Variants in BDH2 observed in about 807,000 individuals in gnomAD.
The protein encoded by BDH2 is 3-hydroxybutyrate dehydrogenase 2, also known as dehydrogenase/reductase SDR family member 6.
A neutral mutation model predicts 33.2 loss-of-function variants in BDH2; 24 were observed. That is an observed-to-expected ratio of 0.72 (90% CI 0.52 to 1.02). BDH2 has a LOEUF of 1.02. BDH2 is among the 50% of genes least tolerant of loss of function. BDH2 has a pLI of 0.00. For missense variants in BDH2, 249 were observed against 301.6 expected (o/e 0.83, Z 1.29); for synonymous variants, 81 against 101.6 (o/e 0.80, Z 1.22).
At chr4:103,087,073 G>A (rs945643332) in intron 5 of BDH2, among the ~76,000 whole-genome samples, 1 of 152,152 alleles carries the variant, frequency 6.6e-6, no homozygotes, top group African/African-American at 2.4e-5. Flanking sequence ...CAGGCTGGGC[G>A]ACACTCAGAG....
At position 103,095,229 on chromosome 4, in the gene BDH2, T is replaced by C. The variant is rs1578510539; in HGVS notation, c.125A>G (p.Lys42Arg). ...CGGGTACTTTTCCAGTTCCTGAAGTTTGGACTCATTAATGTCTGTGGCTAT... is the reference window on the plus strand; with the variant it reads ...CGGGTACTTTTCCAGTTCCTGAAGTCTGGACTCATTAATGTCTGTGGCTAT... ...KVIATDINES[K>R]LQELEKYPGI... The change falls in exon 3 of 10, where the codon AAA (lysine) becomes AGA (arginine). Residue 42 changes from lysine (K) to arginine (R), a missense_variant. Physicochemically the swap from Lys to Arg is conservative, Grantham distance 26 (BLOSUM62 2). Coordinates refer to ENST00000296424, the MANE Select transcript of BDH2 (RefSeq NM_020139.4). 2 of 1,613,870 alleles carry C rather than the reference T, an allele frequency of 1.2e-6. No homozygotes were observed. Among genetic ancestry groups the C allele is most frequent in the Non-Finnish European group, 1.7e-6 (2 of 1,179,828 alleles).
intron 1 of BDH2, chr4:103,097,820 T>C (rs1327111216): frequency 6.6e-6 from 1 of 152,204 alleles, no homozygotes; most frequent in Non-Finnish European, 1.5e-5. Context: ...TTACAGTACA[T>C]GCAAACTAGC....
chr4:103,096,132 A>C, intron 2 of BDH2, 51 bp downstream of exon 2: 1 of 1,347,770 alleles, frequency 7.4e-7, no homozygotes, highest in Non-Finnish European at 1.1e-6. Flanking sequence ...ACATAATTCA[A>C]TATGTCAAGA....
intron 6 of BDH2, chr4:103,086,183 T>C (rs1354650897): frequency 2.0e-5 from 23 of 1,169,750 alleles, no homozygotes; most frequent in Middle Eastern, 3.6e-4. Flanking sequence ...TACACTATTT[T>C]AAATTAATTA....
chr4:103,082,981 A>G (rs116837807), intron 7 of BDH2, 52 bp from the exon 8 acceptor site: 10 of 1,460,770 alleles, frequency 6.8e-6, no homozygotes, highest in African/African-American at 1.4e-5. Context: ...CTGAAAAAGA[A>G]ATCGATAACT....
At chr4:103,082,809 T>G in intron 8 of BDH2, 62 bp downstream of exon 8, 2 of 1,383,448 alleles carry the variant, frequency 1.4e-6, no homozygotes, top group Admixed American at 3.4e-5. Context: ...TTGTCTGCTA[T>G]AGGTATGGAA....
intron 5 of BDH2, among the ~76,000 whole-genome samples, chr4:103,087,600 A>C (rs1747858236): frequency 6.6e-6 from 1 of 152,212 alleles, no homozygotes; most frequent in Non-Finnish European, 1.5e-5. Context: ...GAATTTATTA[A>C]GATGAGGGTC....
chr4:103,079,225 C>T lies in BDH2; in HGVS notation c.*477G>A, dbSNP rs180990079. ...GTGTCCTTATAAAAAGACACATGAGCGCTCGCTTTTTTTCTCTGCTCTTGC... is the reference window on the plus strand; with the variant it reads ...GTGTCCTTATAAAAAGACACATGAGTGCTCGCTTTTTTTCTCTGCTCTTGC... On this transcript the variant is annotated 3_prime_UTR_variant, in exon 10 of 10. Coordinates refer to ENST00000296424, the MANE Select transcript of BDH2 (RefSeq NM_020139.4). 4.6e-5 allele frequency among the ~76,000 whole-genome samples: 7 copies of T among 152,126 alleles called. No individual in the cohort carries two copies. Among genetic ancestry groups the T allele is most frequent in the East Asian group, 3.9e-4 (2 of 5,172 alleles).
At chr4:103,085,976 T>C (rs1747758035) in intron 6 of BDH2, 1 of 1,164,034 alleles carries the variant, frequency 8.6e-7, no homozygotes, top group Admixed American at 4.3e-5. Flanking sequence ...TCAACTTGAC[T>C]TCTTGCTGAT....
chr4:103,082,803 C>G, intron 8 of BDH2, 68 bp downstream of exon 8: 2 of 1,348,360 alleles, frequency 1.5e-6, no homozygotes, highest in Admixed American at 1.7e-5. Context: ...ATGAATTTGT[C>G]TGCTATAGGT....
At chr4:103,084,884 G>A (rs1282295938) in intron 7 of BDH2, among the ~76,000 whole-genome samples, 1 of 151,350 alleles carries the variant, frequency 6.6e-6, no homozygotes, top group Non-Finnish European at 1.5e-5. Flanking sequence ...AGGTCCCCAG[G>A]TCATATTGAA....
At chr4:103,088,353 C>T (rs1190035058) in intron 5 of BDH2, among the ~76,000 whole-genome samples, 1 of 152,208 alleles carries the variant, frequency 6.6e-6, no homozygotes, top group East Asian at 1.9e-4. Context: ...AATCTCTAGT[C>T]CTCTCTAGAA....
At chr4:103,096,379 T>C (rs1435965756) in intron 1 of BDH2, 105 bp from the exon 2 acceptor site, 1 of 670,246 alleles carries the variant, frequency 1.5e-6, no homozygotes, top group Non-Finnish European at 2.5e-6. Context: ...AATAATTTAG[T>C]GAGCTCCTTC....
At chr4:103,083,603 G>T (rs1225477335) in intron 7 of BDH2, among the ~76,000 whole-genome samples, 1 of 151,946 alleles carries the variant, frequency 6.6e-6, no homozygotes, top group Non-Finnish European at 1.5e-5. Flanking sequence ...TTAGTTTATG[G>T]TCTCCTAGAG....
intron 6 of BDH2, 95 bp downstream of exon 6, chr4:103,086,385 G>T (rs1242644536): frequency 1.9e-5 from 27 of 1,443,744 alleles, no homozygotes; most frequent in Non-Finnish European, 2.5e-5. Context: ...TTCAATACTT[G>T]AAATTATAAT....
At chr4:103,089,213 T>C (rs947814728) in intron 5 of BDH2, among the ~76,000 whole-genome samples, 1 of 152,230 alleles carries the variant, frequency 6.6e-6, no homozygotes, top group African/African-American at 2.4e-5. Flanking sequence ...TAGTTAATGA[T>C]ACAGAGGATC....
intron 6 of BDH2, chr4:103,086,222 G>C: frequency 8.1e-7 from 1 of 1,236,912 alleles, no homozygotes; most frequent in Non-Finnish European, 1.0e-6. Flanking sequence ...CTCCCAGTTT[G>C]ATGTTCATTT....
chr4:103,082,820 G>T, intron 8 of BDH2, 51 bp downstream of exon 8: 1 of 1,463,156 alleles, frequency 6.8e-7, no homozygotes. Context: ...AGGTATGGAA[G>T]AGGGCATTTA....
chr4:103,089,880 T>C (rs1426589427), intron 5 of BDH2, among the ~76,000 whole-genome samples: 2 of 152,352 alleles, frequency 1.3e-5, no homozygotes, highest in African/African-American at 4.8e-5. Flanking sequence ...TAGTTCAACA[T>C]TCTGTGGACC....
Sources: gnomAD v4.1 joint callset for allele counts (sites outside exome capture counted in the v4.1 genomes callset) on GRCh38, gnomAD v4.1.1 for gene constraint, MANE v1.5 for transcripts, NCBI Gene and HGNC (gene_info 2026-07-23, HGNC 2026-07-21) for gene names.